CCNY: variants seen among roughly 807,000 people sequenced by gnomAD.
CCNY encodes the protein cyclin Y, also known as cyclin-Y.
CCNY carries 19 observed loss-of-function variants against 42.8 expected under a neutral mutation model. The observed-to-expected ratio is 0.44, with a 90% CI of 0.31 to 0.65. CCNY has a LOEUF of 0.65. CCNY is among the 30% of genes least tolerant of loss of function. The pLI, the probability that CCNY is intolerant of heterozygous loss-of-function variation, is 0.07. For synonymous variants in CCNY, 165 were observed against 162.7 expected (o/e 1.01, Z -0.11); for missense variants, 370 against 437.3 (o/e 0.85, Z 1.37).
At chr10:35,439,534 C>CT (rs946605527) in intron 1 of CCNY, among the ~76,000 whole-genome samples, 31 of 150,340 alleles carry the variant, frequency 2.1e-4, no homozygotes, top group Non-Finnish European at 3.3e-4. Flanking sequence ...CTCTCTCTCT[C>CT]TTTTTTTTTG....
intron 1 of CCNY, among the ~76,000 whole-genome samples, chr10:35,379,673 G>A (rs907787246): frequency 1.3e-5 from 2 of 152,208 alleles, no homozygotes; most frequent in African/African-American, 4.8e-5. Flanking sequence ...GGCCTATTGA[G>A]AACAAAGCGA....
Position 35,444,456 on chromosome 10 carries a change from C to A in CCNY, c.155-38948C>A, listed in dbSNP as rs117531114. ...AGATAAGGGGTTTCACCATGTTGGTCTGGCTGGTGTTGAACTCCTGACCTC... is the reference window on the plus strand; with the variant it reads ...AGATAAGGGGTTTCACCATGTTGGTATGGCTGGTGTTGAACTCCTGACCTC... On this transcript the variant is annotated intron_variant, in intron 1 of 9. Coordinates refer to ENST00000374704, the MANE Select transcript of CCNY (RefSeq NM_145012.6). Among the ~76,000 whole-genome samples the A allele has an allele frequency of 1.5e-3, 223 of 152,280 alleles. 4 individuals carry two copies. In the East Asian group the frequency reaches 0.033, roughly 23 times the overall value.
At chr10:35,551,804 A>G (rs562552668) in intron 7 of CCNY, among the ~76,000 whole-genome samples, 69 of 152,360 alleles carry the variant, frequency 4.5e-4, no homozygotes, top group Admixed American at 9.2e-4. Flanking sequence ...ATAGGTATAT[A>G]AAATCCTAAT....
chr10:35,355,926 CAGCT>C (rs1836540009), intron 1 of CCNY, among the ~76,000 whole-genome samples: 1 of 151,026 alleles, frequency 6.6e-6, no homozygotes, highest in South Asian at 2.1e-4. Flanking sequence ...TTTTTTTTAG[CAGCT>C]TATGTAACTT....
chr10:35,475,053 G>A (rs1177367210), intron 1 of CCNY, among the ~76,000 whole-genome samples: 3 of 151,916 alleles, frequency 2.0e-5, no homozygotes, highest in Non-Finnish European at 4.4e-5. Flanking sequence ...ATCAGCAATG[G>A]AAGATGAAAT....
chr10:35,465,941 GTGTGTGTGTGTGTGTGTGTC>G (rs1156756841), intron 1 of CCNY, among the ~76,000 whole-genome samples: 15 of 146,116 alleles, frequency 1.0e-4, no homozygotes, highest in African/African-American at 3.3e-4. Flanking sequence ...GAGAGAGAGT[GTGTGTGTGTGTGTGTGTGTC>G]TGTGTGTGTG....
intron 1 of CCNY, among the ~76,000 whole-genome samples, chr10:35,450,173 G>C (rs761871689): frequency 6.6e-6 from 1 of 152,038 alleles, no homozygotes; most frequent in African/African-American, 2.4e-5. Context: ...TGGTGGAATC[G>C]GGCTTTGTGG....
chr10:35,300,440 T>C (rs1362524439), intron 3 of CCNY, among the ~76,000 whole-genome samples: 2 of 152,150 alleles, frequency 1.3e-5, no homozygotes, highest in Non-Finnish European at 2.9e-5. Context: ...GCTTTGTCTG[T>C]TGTTCAGAGT....
intron 8 of CCNY, 95 bp from the exon 9 acceptor site, chr10:35,565,928 G>A (rs117567584): frequency 2.8e-5 from 35 of 1,258,400 alleles, no homozygotes; most frequent in Non-Finnish European, 3.8e-5. Flanking sequence ...GGAGGATGCA[G>A]TTTTCTGGAG....
chr10:35,344,924 C>T (rs1589048443), intron 1 of CCNY, among the ~76,000 whole-genome samples: 1 of 152,176 alleles, frequency 6.6e-6, no homozygotes, highest in Admixed American at 6.5e-5. Context: ...TTTATGGCTG[C>T]ATAGTATTCC....
At chr10:35,267,802 T>C (rs992589537) in intron 3 of CCNY, among the ~76,000 whole-genome samples, 15 of 152,202 alleles carry the variant, frequency 9.9e-5, no homozygotes, top group African/African-American at 2.7e-4. Flanking sequence ...AGCTGAGCGG[T>C]GGAATAAAGT....
intron 7 of CCNY, among the ~76,000 whole-genome samples, chr10:35,552,725 G>A (rs940515362): frequency 1.3e-5 from 2 of 152,190 alleles, no homozygotes; most frequent in African/African-American, 4.8e-5. Context: ...TCATTAACAT[G>A]TATGGATATC....
intron 3 of CCNY, among the ~76,000 whole-genome samples, chr10:35,502,462 C>A (rs1840130443): frequency 6.6e-6 from 1 of 152,270 alleles, no homozygotes; most frequent in Non-Finnish European, 1.5e-5. Flanking sequence ...ATTCTCTGCC[C>A]TTTGAAAATA....
At chr10:35,443,310 T>A (rs1403425901) in intron 1 of CCNY, among the ~76,000 whole-genome samples, 2 of 152,240 alleles carry the variant, frequency 1.3e-5, no homozygotes, top group African/African-American at 4.8e-5. Context: ...AAACTTTAAA[T>A]TTTTAAAACT....
At chr10:35,315,096 A>G (rs1835739136) in intron 3 of CCNY, 2 of 152,182 alleles carry the variant, frequency 1.3e-5, no homozygotes, top group African/African-American at 4.8e-5. Flanking sequence ...AAATATATAT[A>G]TATTAAATAA....
chr10:35,553,204 G>A lies in CCNY; in HGVS notation c.746+19G>A. On this transcript the variant is annotated intron_variant, in intron 8 of 9. Coordinates refer to ENST00000374704, the MANE Select transcript of CCNY (RefSeq NM_145012.6). Reference sequence around the variant, plus strand: ...AGGACATGTGAGTTGGGGGGCAGAGGGTGTTGGTCATCAGAGTCTTGGCCA... The same window carrying A: ...AGGACATGTGAGTTGGGGGGCAGAGAGTGTTGGTCATCAGAGTCTTGGCCA... 2 of 1,611,382 alleles carry A rather than the reference G, an allele frequency of 1.2e-6. No homozygotes were observed. Among genetic ancestry groups the A allele is most frequent in the Non-Finnish European group, 1.7e-6 (2 of 1,177,786 alleles).
At chr10:35,285,134 G>T (rs1835338248) in intron 3 of CCNY, among the ~76,000 whole-genome samples, 1 of 152,044 alleles carries the variant, frequency 6.6e-6, no homozygotes, top group South Asian at 2.1e-4. Context: ...TCCTGCCTCA[G>T]CCTTCCGAGT....
At chr10:35,316,802 C>T (rs1232986922) in intron 3 of CCNY, among the ~76,000 whole-genome samples, 1 of 152,154 alleles carries the variant, frequency 6.6e-6, no homozygotes, top group African/African-American at 2.4e-5. Context: ...TAGAATGTAT[C>T]AATAAAGCAA....
In CCNY at chr10:35,285,906, G is replaced by A. The variant is rs143740483; in HGVS notation, c.-9+35280G>A. Among the ~76,000 whole-genome samples the A allele has an allele frequency of 1.1e-4, 17 of 152,124 alleles. No individual in the cohort carries two copies. The East Asian group carries it at 2.5e-3, about 23-fold the overall frequency. ...GGGCTCACTGCAACCTCTGCCTCCC[G>A]GTTTCAAGCAATTCTCCTGCCTCAG... On this transcript the variant is annotated intron_variant, in intron 3 of 11. Coordinates refer to the CCNY transcript ENST00000374706.
Sources: allele counts gnomAD v4.1 joint callset (sites outside exome capture counted in the v4.1 genomes callset), GRCh38; gene constraint gnomAD v4.1.1; transcripts MANE v1.5; gene names NCBI Gene and HGNC (gene_info 2026-07-23, HGNC 2026-07-21).